The following PLAAT5 variants were observed in gnomAD, a reference collection of about 807,000 sequenced individuals.
PLAAT5 encodes phospholipase A and acyltransferase 5.
In PLAAT5, 27 loss-of-function variants were observed where a neutral mutation model predicts 27.8. The observed-to-expected ratio is 0.97, with a 90% CI of 0.72 to 1.34. PLAAT5 has a LOEUF of 1.34. Ranked by LOEUF, PLAAT5 falls within the 40% of genes most tolerant of loss-of-function variation. The pLI, the probability that PLAAT5 is intolerant of heterozygous loss-of-function variation, is 0.00. For synonymous variants in PLAAT5, 125 were observed against 136.1 expected, an observed-to-expected ratio of 0.92 and a Z score of 0.57; for missense variants, 368 against 343.8, an observed-to-expected ratio of 1.07 and a Z score of -0.56.
intron 3 of PLAAT5, among the ~76,000 whole-genome samples, chr11:63,477,439 C>A (rs929041319): frequency 6.6e-6 from 1 of 151,980 alleles, no homozygotes; most frequent in African/African-American, 2.4e-5. Flanking sequence ...AGCATGTAAC[C>A]ACTGAGATAT....
At chr11:63,487,612 C>T (rs956443078) in intron 3 of PLAAT5, among the ~76,000 whole-genome samples, 1 of 152,148 alleles carries the variant, frequency 6.6e-6, no homozygotes, top group African/African-American at 2.4e-5. Flanking sequence ...ACATCTACCA[C>T]ATGACCTAGC....
At chr11:63,475,989 T>C (rs1016073219) in intron 3 of PLAAT5, among the ~76,000 whole-genome samples, 1 of 152,076 alleles carries the variant, frequency 6.6e-6, no homozygotes, top group Non-Finnish European at 1.5e-5. Flanking sequence ...TTTATACAAA[T>C]TTTTGTCTTT....
In PLAAT5 at chr11:63,461,527, C is replaced by T. The variant is rs192651139; in HGVS notation, c.*1976G>A. The T allele has an allele frequency of 5.9e-5, 9 of 152,294 alleles. No individual in the cohort carries two copies. The highest frequency in any genetic ancestry group is 1.7e-4 in the African/African-American group (7 of 41,568). The allele number at this position is 152,294 out of a possible 1,614,324, so 9.4% of individuals were successfully genotyped here. The stretch of plus-strand genomic sequence containing the variant: ...TATTATATCAACAAGACTAAGAAGC[C>T]GCACCCGAGTGGTCCCACTCAAAAA... On this transcript the variant is annotated 3_prime_UTR_variant, in exon 6 of 6. Transcript: ENST00000540857.
intron 3 of PLAAT5, among the ~76,000 whole-genome samples, chr11:63,484,064 A>G (rs2016375884): frequency 6.7e-6 from 1 of 150,336 alleles, no homozygotes; most frequent in Non-Finnish European, 1.5e-5. Context: ...TAAATATGCA[A>G]CCCTCCTAGA....
intron 3 of PLAAT5, among the ~76,000 whole-genome samples, chr11:63,478,745 T>A (rs2120289993): frequency 6.6e-6 from 1 of 152,348 alleles, no homozygotes; most frequent in Middle Eastern, 3.4e-3. Context: ...TTTGCTGAGA[T>A]CTGCACTCAG....
chr11:63,473,808 G>A (rs1302287927), intron 3 of PLAAT5, among the ~76,000 whole-genome samples: 4 of 150,966 alleles, frequency 2.6e-5, no homozygotes, highest in Non-Finnish European at 4.4e-5. Flanking sequence ...CACCTCCTGC[G>A]TTCAAGTGAT....
chr11:63,473,706 GTT>G (rs201090137), intron 3 of PLAAT5, among the ~76,000 whole-genome samples: 121 of 117,626 alleles, frequency 1.0e-3, no homozygotes, highest in African/African-American at 3.2e-3. Context: ...TTTTTTTGTT[GTT>G]TTTTTTTTTT....
intron 2 of PLAAT5, 36 bp from the exon 3 acceptor site, chr11:63,489,012 C>T: frequency 7.3e-7 from 1 of 1,364,688 alleles, no homozygotes; most frequent in South Asian, 1.2e-5. Flanking sequence ...TAACAAATAT[C>T]ACTATTTCAT....
rs747573573 is a variant in PLAAT5, at chr11:63,490,263, C to T, written c.219G>A (p.Gln73=). Residue 73 remains glutamine (Q), a synonymous_variant, in exon 2 of 6, where the codon CAG becomes CAA. Transcript: ENST00000540857. ...CTTACCCTTGCTGGATGCTTCTGCC[C>T]TGTTCTAATGTGCCCGGCGGAGGCT... The part of the protein sequence containing the change: ...AKQPPPGTLE[Q]GRSIQQGEKA... 1.1e-5 allele frequency: 18 copies of T among 1,614,122 alleles called. No individual in the cohort carries two copies. The highest frequency in any genetic ancestry group is 1.4e-5 in the Non-Finnish European group (16 of 1,180,046).
rs556981418 is a variant in PLAAT5 at position 63,465,222 on chromosome 11, T to C, written c.717+888A>G. Among the ~76,000 whole-genome samples the C allele has an allele frequency of 3.3e-5, 5 of 152,032 alleles. No individual in the cohort carries two copies. The East Asian group carries it at 9.7e-4, about 29-fold the overall frequency. On this transcript the variant is annotated intron_variant, in intron 5 of 5. Transcript: ENST00000540857. ...TGAACCCAGGAGGCGGAGGTTGCAG[T>C]GAGCCGAGATTGCACTACTGCACTC...
intron 3 of PLAAT5, among the ~76,000 whole-genome samples, chr11:63,475,952 A>C (rs2016142778): frequency 6.6e-6 from 1 of 152,116 alleles, no homozygotes; most frequent in Non-Finnish European, 1.5e-5. Flanking sequence ...ATATGTTATA[A>C]ACCGAAGACA....
At chr11:63,470,887 A>G (rs1035682374) in intron 3 of PLAAT5, 1 of 152,234 alleles carries the variant, frequency 6.6e-6, no homozygotes, top group Non-Finnish European at 1.5e-5. Context: ...TTTAAAGTGA[A>G]TAAGAGTATT....
At chr11:63,473,343 T>C (rs1215877123) in intron 3 of PLAAT5, among the ~76,000 whole-genome samples, 6 of 152,240 alleles carry the variant, frequency 3.9e-5, no homozygotes, top group Non-Finnish European at 8.8e-5. Flanking sequence ...CTTTTTTACA[T>C]GTAATGCTAT....
intron 4 of PLAAT5, among the ~76,000 whole-genome samples, chr11:63,467,950 C>T (rs757638223): frequency 6.6e-6 from 1 of 152,176 alleles, no homozygotes; most frequent in Non-Finnish European, 1.5e-5. Flanking sequence ...GATCAAGAAG[C>T]CAGATGCAGT....
At chr11:63,487,424 A>G (rs1053196904) in intron 3 of PLAAT5, among the ~76,000 whole-genome samples, 1 of 152,190 alleles carries the variant, frequency 6.6e-6, no homozygotes, top group Non-Finnish European at 1.5e-5. Flanking sequence ...GAAGATTTTG[A>G]CCATGCCAAA....
intron 2 of PLAAT5, 91 bp from the exon 3 acceptor site, chr11:63,489,067 G>A (rs775056985): frequency 2.1e-6 from 2 of 932,986 alleles, no homozygotes; most frequent in African/African-American, 3.4e-5. Flanking sequence ...TTTTAAGATG[G>A]CTTTTGGTTT....
chr11:63,481,726 A>G (rs2016288943), intron 3 of PLAAT5, among the ~76,000 whole-genome samples: 1 of 152,246 alleles, frequency 6.6e-6, no homozygotes, highest in Non-Finnish European at 1.5e-5. Context: ...CTATGCAGCC[A>G]TAAAAAATGA....
chr11:63,469,158 G>GAC (rs1349968755), intron 3 of PLAAT5, among the ~76,000 whole-genome samples: 2 of 151,622 alleles, frequency 1.3e-5, no homozygotes, highest in Non-Finnish European at 2.9e-5. Flanking sequence ...GAGAGAGAGA[G>GAC]AGACAGGTAG....
chr11:63,488,064 G>A (rs1015396356), intron 3 of PLAAT5, among the ~76,000 whole-genome samples: 2 of 152,184 alleles, frequency 1.3e-5, no homozygotes, highest in Non-Finnish European at 2.9e-5. Context: ...AGAATGGCGT[G>A]AGCCCAAGAG....
Sources: gnomAD v4.1 joint callset for allele counts (sites outside exome capture counted in the v4.1 genomes callset) on GRCh38, gnomAD v4.1.1 for gene constraint, MANE v1.5 for transcripts, NCBI Gene and HGNC (gene_info 2026-07-23, HGNC 2026-07-21) for gene names.